Variants in CLSTN2 observed in about 807,000 individuals in gnomAD.
The protein encoded by CLSTN2 is calsyntenin-2.
Under a neutral mutation model 101.2 loss-of-function variants are expected in CLSTN2, and 48 were observed. The ratio of observed to expected loss-of-function variants is 0.47; its 90% CI spans 0.38 to 0.60. CLSTN2 has a LOEUF of 0.60. CLSTN2 is among the 20% of genes least tolerant of loss of function. The pLI, the probability that CLSTN2 is intolerant of heterozygous loss-of-function variation, is 0.00. For missense variants in CLSTN2, 1,160 were observed against 1,238.2 expected, an observed-to-expected ratio of 0.94 and a Z score of 0.95; for synonymous variants, 481 against 463.6, an observed-to-expected ratio of 1.04 and a Z score of -0.48.
intron 2 of CLSTN2, among the ~76,000 whole-genome samples, chr3:140,303,782 A>G (rs1438231234): frequency 2.6e-5 from 4 of 152,052 alleles, no homozygotes; most frequent in Admixed American, 1.3e-4. Flanking sequence ...CCTGTATCCT[A>G]AGAGGCATCA....
intron 2 of CLSTN2, among the ~76,000 whole-genome samples, chr3:140,312,037 T>A (rs1424423006): frequency 6.6e-6 from 1 of 152,232 alleles, no homozygotes; most frequent in African/African-American, 2.4e-5. Context: ...CTGCAGTTCA[T>A]CCAGACTCAG....
intron 1 of CLSTN2, among the ~76,000 whole-genome samples, chr3:140,157,211 T>TTC (rs2009969514): frequency 1.3e-5 from 2 of 151,956 alleles, no homozygotes; most frequent in South Asian, 2.1e-4. Flanking sequence ...GTTTTTTTTT[T>TTC]CCCCATTGTG....
intron 1 of CLSTN2, among the ~76,000 whole-genome samples, chr3:140,020,059 T>C (rs1326513927): frequency 6.6e-6 from 1 of 152,086 alleles, no homozygotes; most frequent in Admixed American, 6.6e-5. Flanking sequence ...GAGGGCTGGT[T>C]GAAACCCTGG....
At chr3:140,027,162 A>C (rs1172997155) in intron 1 of CLSTN2, among the ~76,000 whole-genome samples, 1 of 152,376 alleles carries the variant, frequency 6.6e-6, no homozygotes, top group Admixed American at 6.5e-5. Context: ...GTGGAGGGGC[A>C]GGAGAAATGG....
At chr3:140,122,562 T>C (rs2009360795) in intron 1 of CLSTN2, among the ~76,000 whole-genome samples, 1 of 152,244 alleles carries the variant, frequency 6.6e-6, no homozygotes, top group Admixed American at 6.5e-5. Context: ...AGCGCTCTGC[T>C]GTGTACCACA....
At chr3:139,966,525 A>G (rs66533864) in intron 1 of CLSTN2, among the ~76,000 whole-genome samples, 1,953 of 152,086 alleles carry the variant, frequency 0.013, 24 homozygotes, top group Middle Eastern at 0.044. Flanking sequence ...GCCAATCCTT[A>G]TTCATCTTTT....
At chr3:140,295,546 A>G (rs948857759) in intron 2 of CLSTN2, among the ~76,000 whole-genome samples, 2 of 152,176 alleles carry the variant, frequency 1.3e-5, no homozygotes, top group African/African-American at 4.8e-5. Flanking sequence ...GTTTAAAGTG[A>G]TATAAAGTTC....
intron 1 of CLSTN2, among the ~76,000 whole-genome samples, chr3:139,939,338 A>G (rs1470749437): frequency 6.6e-6 from 1 of 152,206 alleles, no homozygotes; most frequent in Non-Finnish European, 1.5e-5. Flanking sequence ...AACAAATTCT[A>G]TGAGAGGGTA....
chr3:140,153,367 G>A (rs377745271), intron 1 of CLSTN2, among the ~76,000 whole-genome samples: 21 of 152,396 alleles, frequency 1.4e-4, no homozygotes, highest in African/African-American at 4.1e-4. Context: ...CAAGGCTGGA[G>A]CCACCTCCTT....
At chr3:140,355,099 C>G (rs934649998) in intron 2 of CLSTN2, among the ~76,000 whole-genome samples, 1 of 152,134 alleles carries the variant, frequency 6.6e-6, no homozygotes, top group Admixed American at 6.5e-5. Context: ...ATCAGAAGAC[C>G]AGATGAGCAG....
At position 140,166,468 on chromosome 3, in the gene CLSTN2, A is replaced by G. The variant is rs145720225; in HGVS notation, c.110-9483A>G. The stretch of plus-strand genomic sequence containing the variant: ...AGTTTACTTTCACTCAGGGAGCAGT[A>G]TTGGAGTTTTAAAGATCCAGGGTTG... On this transcript the variant is annotated intron_variant, in intron 1 of 16. Coordinates refer to ENST00000458420, the MANE Select transcript of CLSTN2 (RefSeq NM_022131.3). Among the ~76,000 whole-genome samples, 106 of 152,346 alleles carry G rather than the reference A, an allele frequency of 7.0e-4. No homozygotes were observed. In the East Asian group the frequency reaches 0.017, roughly 24 times the overall value.
chr3:140,283,914 T>C (rs573530866), intron 2 of CLSTN2, among the ~76,000 whole-genome samples: 1 of 152,348 alleles, frequency 6.6e-6, no homozygotes, highest in Admixed American at 6.5e-5. Context: ...ATTGGCATTT[T>C]CTGCATGACT....
At chr3:139,960,865 T>C (rs954094096) in intron 1 of CLSTN2, among the ~76,000 whole-genome samples, 1 of 152,196 alleles carries the variant, frequency 6.6e-6, no homozygotes, top group Non-Finnish European at 1.5e-5. Context: ...GTGAAACACA[T>C]TGTTTAGAGG....
intron 2 of CLSTN2, among the ~76,000 whole-genome samples, chr3:140,315,732 A>G (rs1043153634): frequency 5.3e-5 from 8 of 152,160 alleles, no homozygotes; most frequent in Non-Finnish European, 1.2e-4. Flanking sequence ...TTCCAGGAGG[A>G]CCCAAATGCC....
chr3:140,511,541 CTTTTTTTTT>C (rs59924727), intron 8 of CLSTN2, among the ~76,000 whole-genome samples: 1 of 70,848 alleles, frequency 1.4e-5, no homozygotes, highest in South Asian at 4.5e-4. Context: ...TGTTTCTGGA[CTTTTTTTTT>C]TTTTTTTTTT....
intron 9 of CLSTN2, among the ~76,000 whole-genome samples, chr3:140,535,555 G>A (rs796132112): frequency 1.7e-4 from 26 of 152,292 alleles, no homozygotes; most frequent in African/African-American, 5.1e-4. Context: ...CCAGATATAC[G>A]CTAGGACTGA....
chr3:140,521,921 T>G (rs1047592854), intron 8 of CLSTN2, among the ~76,000 whole-genome samples: 10 of 152,256 alleles, frequency 6.6e-5, no homozygotes, highest in African/African-American at 2.4e-4. Context: ...CCTAGGGGTA[T>G]GTAGGGATTG....
At chr3:140,295,339 T>C (rs2086993207) in intron 2 of CLSTN2, among the ~76,000 whole-genome samples, 1 of 152,204 alleles carries the variant, frequency 6.6e-6, no homozygotes, top group Non-Finnish European at 1.5e-5. Flanking sequence ...TATTTCAGCC[T>C]TTTATCCACC....
chr3:140,438,766 G>T (rs2088714235), intron 5 of CLSTN2, among the ~76,000 whole-genome samples: 1 of 152,172 alleles, frequency 6.6e-6, no homozygotes, highest in African/African-American at 2.4e-5. Flanking sequence ...TGAATTCATT[G>T]ATCTTAGAAG....
Sources: allele counts gnomAD v4.1 joint callset (sites outside exome capture counted in the v4.1 genomes callset), GRCh38; gene constraint gnomAD v4.1.1; transcripts MANE v1.5; gene names NCBI Gene and HGNC (gene_info 2026-07-23, HGNC 2026-07-21).